The following MYL5 variants were observed in gnomAD, a reference collection of about 807,000 sequenced individuals.
MYL5 encodes myosin light chain 5.
Under a neutral mutation model 20.8 loss-of-function variants are expected in MYL5, and 28 were observed. That is an observed-to-expected ratio of 1.35 (90% CI 1.00 to 1.84). The LOEUF (loss-of-function observed/expected upper bound fraction) is 1.84, where lower values mean the gene tolerates loss of function less well. MYL5 is among the 40% of genes most tolerant of loss of function. The probability of loss-of-function intolerance (pLI) is 0.00; values close to 1 mark genes in which losing one functional copy is unlikely to be tolerated. For missense variants in MYL5, 274 were observed against 227.3 expected (o/e 1.21, Z -1.32); for synonymous variants, 118 against 87.4 (o/e 1.35, Z -1.95).
At position 681,697 on chromosome 4, in the gene MYL5, GCCGCCCCGCCCCCT is replaced by G. The variant is rs1560157950; in HGVS notation, c.421-193_421-180del. 48 of 43,618 alleles carry G rather than the reference GCCGCCCCGCCCCCT, an allele frequency of 1.1e-3. 1 individual carries two copies. Among genetic ancestry groups the G allele is most frequent in the African/African-American group, 4.7e-3 (45 of 9,618 alleles). 2.7% of individuals were successfully genotyped at this position (43,618 alleles called of 1,614,324 possible). ...CCAGCGCCGCCCCGCCCCCTCCAGC[GCCGCCCCGCCCCCT>G]CCAGCGCCGCCCCGCCCCCTCCAGC... On this transcript the variant is annotated intron_variant, in intron 6 of 6. Transcript: ENST00000400159.
At chr4:677,334 A>G (rs755581402), upstream of MYL5, among the ~76,000 whole-genome samples, 6 of 151,962 alleles carry the variant, frequency 3.9e-5, no homozygotes, top group Non-Finnish European at 8.8e-5. Context: ...CCTACCCCAG[A>G]CTCTGTGCCT....
At chr4:678,669 G>C (rs1739109190) in exon 2 of MYL5, 2 of 1,608,826 alleles carry the variant, frequency 1.2e-6, no homozygotes, top group East Asian at 4.5e-5. Flanking sequence ...CCAGCAGGAA[G>C]ACCAAGAAGA....
At chr4:681,163 C>T in intron 6 of MYL5, 23 bp downstream of exon 8, 1 of 1,598,066 alleles carries the variant, frequency 6.3e-7, no homozygotes, top group Non-Finnish European at 8.5e-7. Flanking sequence ...GCTTCCCTGC[C>T]AAGCCCACGA....
At chr4:679,556 C>T (rs570513571) in intron 3 of MYL5, among the ~76,000 whole-genome samples, 7 of 152,272 alleles carry the variant, frequency 4.6e-5, no homozygotes, top group South Asian at 2.1e-4. Flanking sequence ...CAGGGGGCTT[C>T]GGTCCTGCCC....
At chr4:678,727 T>G (rs1443011845) in exon 2 of MYL5, 3 of 1,611,998 alleles carry the variant, frequency 1.9e-6, no homozygotes, top group African/African-American at 2.7e-5. Context: ...CAATGTCTTC[T>G]CCAACTTTGA....
upstream of MYL5, among the ~76,000 whole-genome samples, chr4:676,692 G>A (rs1456174343): frequency 6.6e-6 from 1 of 152,132 alleles, no homozygotes; most frequent in African/African-American, 2.4e-5. Flanking sequence ...TCCCCCCTCG[G>A]TGTGGTTCTC....
upstream of MYL5, chr4:675,771 C>G (rs1738789647): frequency 6.6e-6 from 1 of 152,348 alleles, no homozygotes; most frequent in Non-Finnish European, 1.5e-5. Flanking sequence ...GCTCCACCCA[C>G]TTTCAGATCA....
At chr4:674,748 G>C (rs1577322995), upstream of MYL5, 1 of 173,906 alleles carries the variant, frequency 5.8e-6, no homozygotes. Context: ...CCTGGGCAGG[G>C]ACCTGGGGGT....
upstream of MYL5, among the ~76,000 whole-genome samples, chr4:677,253 C>A (rs1047729649): frequency 6.6e-6 from 1 of 152,190 alleles, no homozygotes; most frequent in Non-Finnish European, 1.5e-5. Flanking sequence ...CCCCTTGAAC[C>A]AGGGCATCTG....
chr4:679,103 G>A (rs530050078), intron 3 of MYL5, 70 bp downstream of exon 5: 25 of 1,442,098 alleles, frequency 1.7e-5, no homozygotes, highest in East Asian at 6.9e-5. Flanking sequence ...AGCTCCAGAC[G>A]CCGCGGCCCC....
exon 7 of MYL5, chr4:681,948 A>G (rs15188): frequency 7.4e-7 from 1 of 1,345,172 alleles, no homozygotes; most frequent in Non-Finnish European, 9.7e-7. Context: ...CTGGACTACA[A>G]GGCGCTCAGC....
chr4:678,568 T>G, intron 1 of MYL5, 90 bp from the exon 4 acceptor site: 1 of 1,516,270 alleles, frequency 6.6e-7, no homozygotes, highest in Non-Finnish European at 8.8e-7. Flanking sequence ...GGTCCACCCT[T>G]CATCTGAGTT....
exon 2 of MYL5, chr4:678,750 C>T: frequency 6.2e-7 from 1 of 1,611,042 alleles, no homozygotes; most frequent in Non-Finnish European, 8.5e-7. Context: ...AGACTCAGAT[C>T]CAGGAGTTCA....
chr4:677,850 C>T (rs1282295375), upstream of MYL5: 1 of 1,043,634 alleles, frequency 9.6e-7, no homozygotes, highest in Non-Finnish European at 1.5e-6. Context: ...GGGTGTGAGT[C>T]ACTGCCAGGC....
chr4:681,889 G>T lies in MYL5; in HGVS notation c.421-4G>T. The T allele has an allele frequency of 2.3e-6, 3 of 1,314,432 alleles. No individual in the cohort carries two copies. The highest frequency in any genetic ancestry group is 2.9e-6 in the Non-Finnish European group (3 of 1,022,352). 81.4% of individuals were successfully genotyped at this position (1,314,432 alleles called of 1,614,324 possible). A position where few individuals can be genotyped will look rare whatever the true frequency, so the allele number is the denominator to read the frequency against. ...GCAAGGAGCCCTTTCGCCCCCGCCC[G>T]CAGGTGGACCAGATGTTCCAGTTCG... is the stretch of plus-strand genomic sequence containing the variant. On this transcript the variant is annotated splice_region_variant and splice_polypyrimidine_tract_variant and intron_variant, in intron 6 of 6. Coordinates refer to ENST00000400159, the Ensembl canonical transcript of MYL5.
chr4:680,088 G>T (rs192490854), intron 4 of MYL5, 70 bp downstream of exon 6: 1 of 1,349,474 alleles, frequency 7.4e-7, no homozygotes, highest in Non-Finnish European at 1.0e-6. Flanking sequence ...GACATTTCAC[G>T]TAAAAATCTC....
chr4:678,734 T>C (rs578153071), exon 2 of MYL5: 5 of 1,611,916 alleles, frequency 3.1e-6, no homozygotes, highest in Middle Eastern at 1.7e-4. Context: ...TTCTCCAACT[T>C]TGAGCAGACT....
In MYL5 at chr4:679,234, C is replaced by T; in HGVS notation, c.187+201C>T. 5 of 693,456 alleles carry T rather than the reference C, an allele frequency of 7.2e-6. No individual in the cohort carries two copies. In the South Asian group the frequency reaches 7.6e-5, roughly 11 times the overall value. The allele number at this position is 693,456 out of a possible 1,614,324, so 43.0% of individuals were successfully genotyped here. A position where few individuals can be genotyped will look rare whatever the true frequency, so the allele number is the denominator to read the frequency against. ...TGGCAGAGAGCATCCCAGGGTGAGA[C>T]AGGGTGGGTGGGACAGCCCAAGCCT... On this transcript the variant is annotated intron_variant, in intron 3 of 6. Transcript: ENST00000400159.
At chr4:681,620 G>T (rs1268420955) in intron 6 of MYL5, among the ~76,000 whole-genome samples, 18 of 29,118 alleles carry the variant, frequency 6.2e-4, no homozygotes, top group Admixed American at 3.9e-3. Flanking sequence ...CTCCAGCGCC[G>T]CCCCGCCCCC....
Sources: allele counts gnomAD v4.1 joint callset (sites outside exome capture counted in the v4.1 genomes callset), GRCh38; gene constraint gnomAD v4.1.1; transcripts MANE v1.5; gene names NCBI Gene and HGNC (gene_info 2026-07-23, HGNC 2026-07-21).